The following AGAP2 variants were observed in gnomAD, a reference collection of about 807,000 sequenced individuals.
The protein encoded by AGAP2 is arf-GAP with GTPase, ANK repeat and PH domain-containing protein 2.
AGAP2 carries 32 observed loss-of-function variants against 110.9 expected under a neutral mutation model. The observed-to-expected ratio is 0.29, with a 90% CI of 0.22 to 0.39. AGAP2 has a LOEUF of 0.39. Among genes scored for constraint, AGAP2 ranks in the 10% least tolerant of loss-of-function variants. AGAP2 has a pLI of 1.00. For missense variants in AGAP2, 1,285 were observed against 1,638.5 expected (o/e 0.78, Z 3.72); for synonymous variants, 702 against 713.0 (o/e 0.98, Z 0.25).
upstream of AGAP2, chr12:57,741,943 G>A: frequency 5.6e-6 from 9 of 1,614,170 alleles, no homozygotes; most frequent in Non-Finnish European, 7.6e-6. Context: ...CCTGGATGCT[G>A]TCCTGGAGTT....
upstream of AGAP2, chr12:57,739,925 C>T (rs1955056930): frequency 6.6e-6 from 1 of 152,306 alleles, no homozygotes; most frequent in South Asian, 2.1e-4. Context: ...GTGTCCCCCA[C>T]CCCTCTAGGG....
rs774205973 is a variant in AGAP2 at position 57,730,628 on chromosome 12, A to T, written c.2309-14T>A. ...GAGTAGTGGCTTCTGTCGGAAGAAG[A>T]TGAAACCTCAGTGAGCCTCTTTCTT... On this transcript the variant is annotated splice_polypyrimidine_tract_variant and intron_variant, in intron 11 of 18. Coordinates refer to ENST00000547588, the MANE Select transcript of AGAP2 (RefSeq NM_001122772.3). 1 of 1,610,746 alleles carries T rather than the reference A, an allele frequency of 6.2e-7. No individual in the cohort carries two copies. The highest frequency in any genetic ancestry group is 8.5e-7 in the Non-Finnish European group (1 of 1,178,354).
Position 57,726,587 on chromosome 12 carries a change from C to T in AGAP2, c.3544G>A (p.Val1182Met). The stretch of plus-strand genomic sequence containing the variant: ...GCAACCGGGGCGTCGGCGCGGCCCA[C>T]GCTAGCGGCGCTGCTCCGGCGGCGG... ...SPRRRSSAASVGRADAPVALV is the reference protein window; with the variant it reads ...SPRRRSSAASMGRADAPVALV The change falls in exon 19 of 19, where the codon GTG becomes ATG. Residue 1182 changes from valine (V) to methionine (M), a missense_variant. Val to Met is a conservative substitution (Grantham distance 21). Coordinates refer to ENST00000547588, the MANE Select transcript of AGAP2 (RefSeq NM_001122772.3). This position sits in a 1 kb window ranked among gnomAD's most constrained non-coding sequence, Gnocchi z 5.7. The T allele has an allele frequency of 8.3e-7, 1 of 1,204,000 alleles. No individual in the cohort carries two copies. The highest frequency in any genetic ancestry group is 1.0e-6 in the Non-Finnish European group (1 of 969,714). The allele number at this position is 1,204,000 out of a possible 1,614,324, so 74.6% of individuals were successfully genotyped here.
upstream of AGAP2, among the ~76,000 whole-genome samples, chr12:57,741,452 C>CGTGT (rs148891707): frequency 1.2e-4 from 18 of 150,878 alleles, no homozygotes; most frequent in South Asian, 1.7e-3. Flanking sequence ...AATGTGCATG[C>CGTGT]GTGTGTGTGT....
intron 6 of AGAP2, 46 bp from the exon 7 acceptor site, chr12:57,732,558 A>C: frequency 2.0e-6 from 3 of 1,515,800 alleles, no homozygotes; most frequent in Non-Finnish European, 2.7e-6. Context: ...CAGATACCCA[A>C]GACCACCCTT....
chr12:57,735,951 C>T (rs1042543411), intron 1 of AGAP2, among the ~76,000 whole-genome samples: 4 of 152,194 alleles, frequency 2.6e-5, no homozygotes, highest in African/African-American at 9.7e-5. Flanking sequence ...CCCCTCCCCA[C>T]AGCCCAAGGG....
Position 57,738,364 on chromosome 12 carries a change from C to A in AGAP2, c.-118G>T. The A allele has an allele frequency of 8.1e-7, 1 of 1,228,732 alleles. No individual in the cohort carries two copies. Among genetic ancestry groups the A allele is most frequent in the Non-Finnish European group, 1.0e-6 (1 of 978,884 alleles). The allele number at this position is 1,228,732 out of a possible 1,614,324, so 76.1% of individuals were successfully genotyped here. On this transcript the variant is annotated 5_prime_UTR_variant, in exon 1 of 19. Transcript: ENST00000547588. This position sits in a 1 kb window ranked among gnomAD's most constrained non-coding sequence, Gnocchi z 6.7. Reference sequence around the variant, plus strand: ...CCAGCCCCCGGACCCCGCTGAGCCCCCGGCCCGGCTCCGCTGTCGCCGCCG... The same window carrying A: ...CCAGCCCCCGGACCCCGCTGAGCCCACGGCCCGGCTCCGCTGTCGCCGCCG...
rs1033908207 is a variant in AGAP2, at chr12:57,726,710, C to G, written c.3421G>C (p.Asp1141His). The change falls in exon 19 of 19, where the codon GAC becomes CAC. Residue 1141 changes from aspartate to histidine, a missense_variant. Physicochemically the swap from Asp to His is moderately conservative, Grantham distance 81. Transcript: ENST00000547588. The surrounding 1 kb of genome is among the most constrained non-coding windows in gnomAD (Gnocchi z 5.7). Reference sequence around the variant, plus strand: ...GGGCAGCCGTGCTGGAGAAGGATGTCGGCGCACAGCTGGCTTCCAGCCTGG... The same window carrying G: ...GGGCAGCCGTGCTGGAGAAGGATGTGGGCGCACAGCTGGCTTCCAGCCTGG... ...ARQAGSQLCADILLQHGCPGE... is the reference protein window; with the variant it reads ...ARQAGSQLCAHILLQHGCPGE... 2.3e-4 allele frequency: 287 copies of G among 1,255,148 alleles called. 1 individual carries two copies. Among genetic ancestry groups the G allele is most frequent in the Non-Finnish European group, 2.8e-4 (282 of 999,990 alleles). The allele number at this position is 1,255,148 out of a possible 1,614,324, so 77.8% of individuals were successfully genotyped here.
intron 5 of AGAP2, among the ~76,000 whole-genome samples, chr12:57,733,340 AC>A (rs1049348758): frequency 4.1e-4 from 63 of 152,236 alleles, no homozygotes; most frequent in African/African-American, 1.4e-3. Context: ...GTGGGAGGAC[AC>A]CAGCTTGTGA....
rs1595077375 is a variant in AGAP2, at chr12:57,725,314, T to A, written c.*1238A>T. The A allele has an allele frequency of 7.7e-6, 1 of 129,778 alleles. No individual in the cohort carries two copies. The highest frequency in any genetic ancestry group is 1.6e-5 in the Non-Finnish European group (1 of 62,824). 8.0% of individuals were successfully genotyped at this position (129,778 alleles called of 1,614,324 possible). A position where few individuals can be genotyped will look rare whatever the true frequency, so the allele number is the denominator to read the frequency against. ...CTCTCTCCCCTCCCCAATTACCTGG[T>A]CCTTTGCAAACTATTTTAGCCAGAA... On this transcript the variant is annotated 3_prime_UTR_variant, in exon 19 of 19. Coordinates refer to ENST00000547588, the MANE Select transcript of AGAP2 (RefSeq NM_001122772.3).
chr12:57,726,901 C>T lies in AGAP2; in HGVS notation c.3336+73G>A. The T allele has an allele frequency of 6.8e-7, 1 of 1,480,058 alleles. No individual in the cohort carries two copies. Among genetic ancestry groups the T allele is most frequent in the South Asian group, 1.4e-5 (1 of 72,714 alleles). 91.7% of individuals were successfully genotyped at this position (1,480,058 alleles called of 1,614,324 possible). On this transcript the variant is annotated intron_variant, in intron 18 of 18. Coordinates refer to ENST00000547588, the MANE Select transcript of AGAP2 (RefSeq NM_001122772.3). This position sits in a 1 kb window ranked among gnomAD's most constrained non-coding sequence, Gnocchi z 5.7. ...ACTTCCGGGGTCCCTCTGGGAATTT[C>T]GGGCTTTCCCGCGCCAGGCGTTTTC...
At chr12:57,730,324 T>G (rs1345524371) in intron 12 of AGAP2, 171 bp downstream of exon 12, 13 of 998,388 alleles carry the variant, frequency 1.3e-5, no homozygotes, top group African/African-American at 1.6e-5. Flanking sequence ...TAGAGTCCAC[T>G]TGTCTTAACC....
intron 3 of AGAP2, 22 bp from the exon 4 acceptor site, chr12:57,734,426 G>C (rs1954942326): frequency 1.2e-6 from 2 of 1,613,182 alleles, no homozygotes; most frequent in Non-Finnish European, 1.7e-6. Flanking sequence ...AGTTGGAAGG[G>C]GTAACAGGTC....
intron 6 of AGAP2, 94 bp downstream of exon 6, chr12:57,732,751 C>G: frequency 1.9e-6 from 3 of 1,563,088 alleles, no homozygotes; most frequent in Non-Finnish European, 2.6e-6. Context: ...AATTTCCTGT[C>G]ACTCACAGAG....
Position 57,726,294 on chromosome 12 carries a change from G to A in AGAP2, c.*258C>T, listed in dbSNP as rs1954761292. The A allele has an allele frequency of 3.9e-6, 1 of 254,592 alleles. No homozygotes were observed. 15.8% of individuals were successfully genotyped at this position (254,592 alleles called of 1,614,324 possible). On this transcript the variant is annotated 3_prime_UTR_variant, in exon 19 of 19. Coordinates refer to ENST00000547588, the MANE Select transcript of AGAP2 (RefSeq NM_001122772.3). The surrounding 1 kb of genome is among the most constrained non-coding windows in gnomAD (Gnocchi z 5.7). Reference sequence around the variant, plus strand: ...CTCCCCTTCCGCGAACCCCGAGCGGGTAGACCCAGAGCAATCCGAGTGTGG... The same window carrying A: ...CTCCCCTTCCGCGAACCCCGAGCGGATAGACCCAGAGCAATCCGAGTGTGG...
rs772929390 is a variant in AGAP2 at position 57,727,146 on chromosome 12, C to T, written c.3164G>A (p.Gly1055Asp). ...CTGCACGGCGGCCCACAGCTGGCGG[C>T]CCAGCGGCTCCTCCGAGGTGCTCAG... ...APLSTSEEPL[G>D]RQLWAAVQAQ... The change falls in exon 18 of 19, where the codon GGC becomes GAC. Residue 1055 changes from glycine to aspartate, a missense_variant. This residue lies in a region of AGAP2 where 201 missense variants were observed against 276.1 expected (regional missense o/e 0.73). Transcript: ENST00000547588. 6.2e-7 allele frequency: 1 copy of T among 1,604,358 alleles called. No homozygotes were observed.
chr12:57,727,597 T>C lies in AGAP2; in HGVS notation c.2858-15A>G. ...CCACGTGGGGTCTGCGGAAGGAGCG[T>C]AGAGGTCGGCTCCCAGCCGGGCAGC... On this transcript the variant is annotated splice_polypyrimidine_tract_variant and intron_variant, in intron 16 of 18. Coordinates refer to ENST00000547588, the MANE Select transcript of AGAP2 (RefSeq NM_001122772.3). 6.3e-7 allele frequency: 1 copy of C among 1,597,140 alleles called. No homozygotes were observed. Among genetic ancestry groups the C allele is most frequent in the Non-Finnish European group, 8.5e-7 (1 of 1,174,122 alleles).
At chr12:57,735,051 T>C (rs1471911820) in intron 2 of AGAP2, among the ~76,000 whole-genome samples, 1 of 150,348 alleles carries the variant, frequency 6.7e-6, no homozygotes, top group Non-Finnish European at 1.5e-5. Flanking sequence ...TAGGCACTAG[T>C]TGGAAAACTT....
chr12:57,735,542 C>T (rs1954965461), intron 1 of AGAP2, 115 bp from the exon 2 acceptor site: 1 of 960,636 alleles, frequency 1.0e-6, no homozygotes, highest in African/African-American at 1.6e-5. Context: ...CCTGCCTGCA[C>T]TGGAGAGGTG....
Sources: allele counts gnomAD v4.1 joint callset (sites outside exome capture counted in the v4.1 genomes callset), GRCh38; gene constraint gnomAD v4.1.1; regional missense constraint gnomAD v4.1.1; non-coding constraint Gnocchi (gnomAD v3.1); transcripts MANE v1.5; gene names NCBI Gene and HGNC (gene_info 2026-07-23, HGNC 2026-07-21).